The following CENPW variants were observed in gnomAD, a reference collection of about 807,000 sequenced individuals.
The protein encoded by CENPW is cancer-up-regulated gene 2 protein.
CENPW carries 3 observed loss-of-function variants against 11.1 expected under a neutral mutation model. That is an observed-to-expected ratio of 0.27 (90% CI 0.12 to 0.70). The LOEUF (loss-of-function observed/expected upper bound fraction) is 0.70, where lower values mean the gene tolerates loss of function less well. Ranked by LOEUF, CENPW falls within the 30% of genes least tolerant of loss-of-function variation. The pLI is 0.77. For synonymous variants in CENPW, 38 were observed against 42.0 expected, an observed-to-expected ratio of 0.91 and a Z score of 0.37; for missense variants, 100 against 105.6, an observed-to-expected ratio of 0.95 and a Z score of 0.23.
chr6:126,410,654 G>A, the CENPW span, among the ~76,000 whole-genome samples: 6 of 151,220 alleles, frequency 4.0e-5, no homozygotes, highest in Admixed American at 4.0e-4. Flanking sequence ...TTTGCTTAAG[G>A]ATGTCCTGTA....
At chr6:126,363,642 G>C in the CENPW span, among the ~76,000 whole-genome samples, 1 of 152,280 alleles carries the variant, frequency 6.6e-6, no homozygotes, top group Non-Finnish European at 1.5e-5. Flanking sequence ...TCTGGTAGCA[G>C]TTAGCCTGTA....
At chr6:126,437,268 A>C in the CENPW span, among the ~76,000 whole-genome samples, 9 of 152,118 alleles carry the variant, frequency 5.9e-5, no homozygotes, top group Admixed American at 1.3e-4. Flanking sequence ...TTTAAAGTAA[A>C]GCCAGTTTAC....
chr6:126,448,262 C>G, the CENPW span, among the ~76,000 whole-genome samples: 1 of 151,030 alleles, frequency 6.6e-6, no homozygotes, highest in East Asian at 2.0e-4. Context: ...TCAAGGTAAG[C>G]CCCAGCTTAA....
At chr6:126,367,951 T>G in the CENPW span, among the ~76,000 whole-genome samples, 1 of 152,256 alleles carries the variant, frequency 6.6e-6, no homozygotes, top group Non-Finnish European at 1.5e-5. Flanking sequence ...ATTTAAACCG[T>G]AATCTAGAGG....
the CENPW span, among the ~76,000 whole-genome samples, chr6:126,460,163 C>A: frequency 6.6e-6 from 1 of 151,508 alleles, no homozygotes; most frequent in South Asian, 2.1e-4. Context: ...AGCCTGCAAG[C>A]ACATGTGTTA....
the CENPW span, among the ~76,000 whole-genome samples, chr6:126,472,856 A>T: frequency 6.6e-6 from 1 of 152,304 alleles, no homozygotes; most frequent in South Asian, 2.1e-4. Flanking sequence ...GTACAATGTT[A>T]TCTCTTCATG....
In CENPW at chr6:126,346,218, G is replaced by T. The variant is rs376919973; in HGVS notation, c.140G>T (p.Cys47Phe). The part of the protein sequence containing the change: ...KSGDLLVHLN[C>F]LLFVHRLAEE... ...TCTGTTTTAAAGGTCCATCTGAACT[G>T]TTTACTGTTTGTTCATCGATTAGCA... is the stretch of plus-strand genomic sequence containing the variant. The change falls in exon 2 of 3, where the codon TGT becomes TTT. Residue 47 changes from cysteine to phenylalanine, a missense_variant. Transcript: ENST00000368328. The T allele has an allele frequency of 1.9e-4, 305 of 1,599,478 alleles. 1 individual carries two copies. In the South Asian group the frequency reaches 3.0e-3, roughly 16 times the overall value.
chr6:126,370,107 C>T, the CENPW span, among the ~76,000 whole-genome samples: 2,108 of 152,250 alleles, frequency 0.014, 21 homozygotes, highest in Non-Finnish European at 0.02. Context: ...TTTCTGGGTT[C>T]TCTATTCTGT....
At chr6:126,450,896 C>G in the CENPW span, among the ~76,000 whole-genome samples, 1 of 150,640 alleles carries the variant, frequency 6.6e-6, no homozygotes. Flanking sequence ...GGTGAATTCC[C>G]ATTGTCAGTG....
At chr6:126,355,396 G>C in the CENPW span, among the ~76,000 whole-genome samples, 1 of 152,074 alleles carries the variant, frequency 6.6e-6, no homozygotes. Context: ...GCTGTGTTCA[G>C]GTTGGCCAGT....
the CENPW span, among the ~76,000 whole-genome samples, chr6:126,462,135 G>C: frequency 1.2e-4 from 18 of 152,044 alleles, no homozygotes; most frequent in Admixed American, 1.1e-3. Context: ...TTTTGAGCAG[G>C]AAGGACATCT....
the CENPW span, among the ~76,000 whole-genome samples, chr6:126,416,939 G>C: frequency 6.6e-6 from 1 of 152,152 alleles, no homozygotes; most frequent in Non-Finnish European, 1.5e-5. Flanking sequence ...GTGAGAAGAA[G>C]ACCACCATCT....
At chr6:126,372,010 T>C in the CENPW span, among the ~76,000 whole-genome samples, 1 of 151,838 alleles carries the variant, frequency 6.6e-6, no homozygotes. Context: ...TGGTCTATCA[T>C]TTTATTTATC....
chr6:126,367,309 C>T, the CENPW span, among the ~76,000 whole-genome samples: 1 of 151,738 alleles, frequency 6.6e-6, no homozygotes, highest in African/African-American at 2.4e-5. Context: ...TACATTGTCT[C>T]CAATAGAAAA....
At chr6:126,356,153 A>G in the CENPW span, among the ~76,000 whole-genome samples, 1 of 152,212 alleles carries the variant, frequency 6.6e-6, no homozygotes, top group African/African-American at 2.4e-5. Flanking sequence ...CTCTAAAAAT[A>G]AAAAGACACT....
At chr6:126,347,030 C>G (rs965439307) in intron 2 of CENPW, among the ~76,000 whole-genome samples, 4 of 152,078 alleles carry the variant, frequency 2.6e-5, no homozygotes, top group Middle Eastern at 3.2e-3. Context: ...GAATATGTTG[C>G]CTACGGTGCA....
chr6:126,475,597 A>C, the CENPW span, among the ~76,000 whole-genome samples: 9 of 152,154 alleles, frequency 5.9e-5, no homozygotes, highest in East Asian at 1.7e-3. Context: ...ATCTAGGAGT[A>C]TCAAGTTTAA....
chr6:126,470,388 A>G, the CENPW span, among the ~76,000 whole-genome samples: 3 of 152,182 alleles, frequency 2.0e-5, no homozygotes, highest in African/African-American at 7.2e-5. Context: ...ACAAGAGTTG[A>G]GGTTTGGGAA....
the CENPW span, among the ~76,000 whole-genome samples, chr6:126,472,822 A>T: frequency 6.6e-6 from 1 of 152,166 alleles, no homozygotes; most frequent in Non-Finnish European, 1.5e-5. Flanking sequence ...TCAGTCTTTT[A>T]TCATTTTAGT....
Sources: gnomAD v4.1 joint callset for allele counts (sites outside exome capture counted in the v4.1 genomes callset) on GRCh38, gnomAD v4.1.1 for gene constraint, MANE v1.5 for transcripts, NCBI Gene and HGNC (gene_info 2026-07-23, HGNC 2026-07-21) for gene names.